PAWR: variants seen among roughly 807,000 people sequenced by gnomAD.
PAWR encodes the protein PRKC apoptosis WT1 regulator protein.
A neutral mutation model predicts 32.0 loss-of-function variants in PAWR; 23 were observed. The observed-to-expected ratio is 0.72, with a 90% CI of 0.52 to 1.02. The LOEUF (loss-of-function observed/expected upper bound fraction) is 1.02, where lower values mean the gene tolerates loss of function less well. Among genes scored for constraint, PAWR ranks in the 50% least tolerant of loss-of-function variants. PAWR has a pLI of 0.00. For missense variants in PAWR, 457 were observed against 437.7 expected (o/e 1.04, Z -0.39); for synonymous variants, 226 against 187.1 (o/e 1.21, Z -1.70).
chr12:79,667,295 C>G (rs567395209), intron 2 of PAWR, among the ~76,000 whole-genome samples: 268 of 152,248 alleles, frequency 1.8e-3, no homozygotes, highest in African/African-American at 5.7e-3. Context: ...ACTTTTACTC[C>G]TTCGGATGGA....
chr12:79,618,934 C>A (rs1201849463), intron 3 of PAWR, among the ~76,000 whole-genome samples: 1 of 152,044 alleles, frequency 6.6e-6, no homozygotes, highest in African/African-American at 2.4e-5. Context: ...ATACAGTAGT[C>A]CTTTTTCCCT....
At chr12:79,609,862 C>T (rs990001052) in intron 4 of PAWR, among the ~76,000 whole-genome samples, 2 of 152,172 alleles carry the variant, frequency 1.3e-5, no homozygotes, top group Non-Finnish European at 2.9e-5. Context: ...ACACTTAAGC[C>T]GTCCATGGAT....
At chr12:79,592,756 T>C (rs1873601435) in intron 6 of PAWR, 63 bp from the exon 7 acceptor site, 3 of 629,808 alleles carry the variant, frequency 4.8e-6, no homozygotes, top group Non-Finnish European at 8.4e-6. Context: ...ATGAAAACAC[T>C]TAATACACAT....
chr12:79,617,148 G>A (rs1023222868), intron 3 of PAWR, among the ~76,000 whole-genome samples: 7 of 151,918 alleles, frequency 4.6e-5, no homozygotes, highest in South Asian at 4.2e-4. Flanking sequence ...ACCTAAGGTC[G>A]GGAGACCAGC....
chr12:79,661,033 C>T (rs967588706), intron 2 of PAWR, among the ~76,000 whole-genome samples: 1 of 151,548 alleles, frequency 6.6e-6, no homozygotes, highest in African/African-American at 2.4e-5. Flanking sequence ...TTTGGGAGGC[C>T]GAGGTGGGTG....
intron 2 of PAWR, among the ~76,000 whole-genome samples, chr12:79,674,368 G>T (rs1229867893): frequency 6.6e-6 from 1 of 151,052 alleles, no homozygotes; most frequent in Non-Finnish European, 1.5e-5. Context: ...ACTGAAATTG[G>T]ACCCCTTCTT....
At chr12:79,678,079 G>C (rs1268765433) in intron 2 of PAWR, among the ~76,000 whole-genome samples, 1 of 152,038 alleles carries the variant, frequency 6.6e-6, no homozygotes, top group East Asian at 1.9e-4. Flanking sequence ...CTATCCTCTA[G>C]TTTCTTTTTA....
chr12:79,618,300 T>A (rs1874841801), intron 3 of PAWR, among the ~76,000 whole-genome samples: 1 of 152,086 alleles, frequency 6.6e-6, no homozygotes, highest in African/African-American at 2.4e-5. Context: ...AGCTAATTGT[T>A]GTATTTTTAG....
intron 2 of PAWR, among the ~76,000 whole-genome samples, chr12:79,668,564 C>G (rs1462897182): frequency 6.6e-6 from 1 of 152,152 alleles, no homozygotes; most frequent in Non-Finnish European, 1.5e-5. Context: ...GAAACTGTTC[C>G]ACCTCAGATC....
At chr12:79,622,813 TCTAA>T (rs1300223397) in intron 2 of PAWR, among the ~76,000 whole-genome samples, 6 of 152,306 alleles carry the variant, frequency 3.9e-5, no homozygotes, top group Admixed American at 1.3e-4. Flanking sequence ...TGTTCTTGAC[TCTAA>T]CTAACCCAGG....
In PAWR at chr12:79,586,673, T is replaced by C. The variant is rs1462679764; in HGVS notation, c.*5934A>G. On this transcript the variant is annotated 3_prime_UTR_variant, in exon 7 of 7. Transcript: ENST00000328827. The stretch of plus-strand genomic sequence containing the variant: ...TCATATGTGTAAAGTAAAAATTCAA[T>C]CTATCTTTAACCGGCTCATACTGTT... 6.6e-6 allele frequency: 1 copy of C among 152,212 alleles called. No homozygotes were observed. Among genetic ancestry groups the C allele is most frequent in the Non-Finnish European group, 1.5e-5 (1 of 68,014 alleles). The allele number at this position is 152,212 out of a possible 1,614,324, so 9.4% of individuals were successfully genotyped here. A position where few individuals can be genotyped will look rare whatever the true frequency, so the allele number is the denominator to read the frequency against.
intron 2 of PAWR, among the ~76,000 whole-genome samples, chr12:79,633,416 G>A (rs1048916948): frequency 2.6e-5 from 4 of 152,144 alleles, no homozygotes; most frequent in African/African-American, 9.7e-5. Context: ...GGAAATGCAA[G>A]CTGAAACCAT....
intron 6 of PAWR, 133 bp from the exon 7 acceptor site, chr12:79,592,826 TA>T (rs1238325962): frequency 1.9e-6 from 1 of 533,652 alleles, no homozygotes; most frequent in African/African-American, 2.0e-5. Flanking sequence ...AAAACAACTT[TA>T]GATGTAATAT....
intron 5 of PAWR, among the ~76,000 whole-genome samples, chr12:79,595,344 A>G (rs1361613952): frequency 6.6e-6 from 1 of 152,174 alleles, no homozygotes; most frequent in South Asian, 2.1e-4. Flanking sequence ...CCTTGGGGGC[A>G]AAAGGGAAGC....
intron 4 of PAWR, among the ~76,000 whole-genome samples, chr12:79,610,889 C>T (rs118047441): frequency 6.6e-6 from 1 of 151,004 alleles, no homozygotes; most frequent in East Asian, 1.9e-4. Context: ...CAAATAGTTC[C>T]CTACAGTTAA....
At chr12:79,680,643 T>A (rs1343065159) in intron 2 of PAWR, among the ~76,000 whole-genome samples, 1 of 152,088 alleles carries the variant, frequency 6.6e-6, no homozygotes, top group Non-Finnish European at 1.5e-5. Context: ...AGCTACAGCA[T>A]ACATACATTT....
intron 5 of PAWR, 54 bp from the exon 6 acceptor site, chr12:79,594,487 C>T (rs757749079): frequency 1.8e-5 from 15 of 841,874 alleles, no homozygotes; most frequent in Non-Finnish European, 2.7e-5. Flanking sequence ...TATTTATAAT[C>T]TTCCTAAGTG....
chr12:79,613,068 GA>G (rs1874514301), intron 4 of PAWR, among the ~76,000 whole-genome samples: 1 of 152,186 alleles, frequency 6.6e-6, no homozygotes, highest in African/African-American at 2.4e-5. Flanking sequence ...AGGGACCTCA[GA>G]AAGCTTACTT....
intron 2 of PAWR, among the ~76,000 whole-genome samples, chr12:79,682,230 C>T (rs1466288926): frequency 1.3e-5 from 2 of 152,142 alleles, no homozygotes; most frequent in African/African-American, 4.8e-5. Context: ...CGGCTCACTG[C>T]AGGCTCGACC....
Sources: gnomAD v4.1 joint callset for allele counts (sites outside exome capture counted in the v4.1 genomes callset) on GRCh38, gnomAD v4.1.1 for gene constraint, MANE v1.5 for transcripts, NCBI Gene and HGNC (gene_info 2026-07-23, HGNC 2026-07-21) for gene names.